The following SYNPO2 variants were observed in gnomAD, a reference collection of about 807,000 sequenced individuals.
SYNPO2 encodes the protein synaptopodin 2, also known as synaptopodin-2.
A neutral mutation model predicts 85.0 loss-of-function variants in SYNPO2; 56 were observed. The ratio of observed to expected loss-of-function variants is 0.66; its 90% CI spans 0.53 to 0.82. The LOEUF is 0.82. Ranked by LOEUF, SYNPO2 falls within the 40% of genes least tolerant of loss-of-function variation. The probability of loss-of-function intolerance (pLI) is 0.00; values close to 1 mark genes in which losing one functional copy is unlikely to be tolerated. For synonymous variants in SYNPO2, 602 were observed against 591.1 expected (o/e 1.02, Z -0.27); for missense variants, 1,575 against 1,534.2 (o/e 1.03, Z -0.44).
intron 1 of SYNPO2, among the ~76,000 whole-genome samples, chr4:118,951,355 C>G (rs1734689773): frequency 6.6e-6 from 1 of 152,190 alleles, no homozygotes; most frequent in African/African-American, 2.4e-5. Flanking sequence ...CTGGTCCCCT[C>G]TAGCCCTTAT....
rs117597131 is a variant in SYNPO2 at position 118,908,733 on chromosome 4, G to A, written c.105+19592G>A. Among the ~76,000 whole-genome samples, 53 of 152,248 alleles carry A rather than the reference G, an allele frequency of 3.5e-4. 1 individual carries two copies. The East Asian group carries it at 9.8e-3, about 28-fold the overall frequency. ...CATGATAAAGCCTTATAGAACAGGA[G>A]TTATAAATGCCGTCATACCACTGCC... On this transcript the variant is annotated intron_variant, in intron 1 of 4. Coordinates refer to ENST00000307142, the MANE Select transcript of SYNPO2 (RefSeq NM_133477.3).
Position 119,031,624 on chromosome 4 carries a change from T to A in SYNPO2, c.2849T>A (p.Met950Lys), listed in dbSNP as rs1738269135. The A allele has an allele frequency of 6.2e-7, 1 of 1,614,026 alleles. No individual in the cohort carries two copies. The highest frequency in any genetic ancestry group is 2.2e-5 in the East Asian group (1 of 44,868). Residue 950 changes from methionine to lysine, a missense_variant, in exon 4 of 5, where the codon ATG becomes AAG. Met to Lys is a moderately conservative substitution (Grantham distance 95, BLOSUM62 -1). This residue lies in a region of SYNPO2 where 1,508 missense variants were observed against 1,446.8 expected (regional missense o/e 1.04). Transcript: ENST00000307142. ...CCATCAGCTGCACAGCCCTCCAAAA[T>A]GGGCAAGAAAAAGGGAAAGAAACCC... ...SQPSAAQPSKMGKKKGKKPLN... is the reference protein window; with the variant it reads ...SQPSAAQPSKKGKKKGKKPLN...
At chr4:118,908,300 T>A (rs1014137006) in intron 1 of SYNPO2, among the ~76,000 whole-genome samples, 13 of 152,208 alleles carry the variant, frequency 8.5e-5, no homozygotes, top group Admixed American at 1.3e-4. Flanking sequence ...TTTCTTATCA[T>A]GTACTTGTTA....
At chr4:119,047,897 T>A (rs540729198) in intron 4 of SYNPO2, among the ~76,000 whole-genome samples, 3 of 152,348 alleles carry the variant, frequency 2.0e-5, no homozygotes, top group African/African-American at 7.2e-5. Flanking sequence ...AAACGGTAAA[T>A]CAACTTTCAG....
intron 1 of SYNPO2, among the ~76,000 whole-genome samples, chr4:119,002,946 A>G (rs1344504921): frequency 6.6e-6 from 1 of 152,138 alleles, no homozygotes; most frequent in African/African-American, 2.4e-5. Context: ...ATTTTCTTGA[A>G]TTATTTGATG....
chr4:119,038,591 A>G, intron 4 of SYNPO2: 1 of 981,004 alleles, frequency 1.0e-6, no homozygotes, highest in Non-Finnish European at 1.2e-6. Flanking sequence ...TAAGTAGTGA[A>G]TCAGCACCTA....
At chr4:118,899,476 T>TC (rs1732649637) in intron 1 of SYNPO2, among the ~76,000 whole-genome samples, 1 of 152,160 alleles carries the variant, frequency 6.6e-6, no homozygotes, top group Admixed American at 6.5e-5. Context: ...CCCCATGGGG[T>TC]ACAATGATTC....
Position 119,033,947 on chromosome 4 carries a change from T to A in SYNPO2, c.3252+1920T>A, listed in dbSNP as rs918157334. The A allele has an allele frequency of 6.1e-6, 6 of 985,354 alleles. No individual in the cohort carries two copies. The African/African-American group carries it at 1.0e-4, about 17-fold the overall frequency. 61.0% of individuals were successfully genotyped at this position (985,354 alleles called of 1,614,324 possible). ...TGCAGAACAATGGGGCTGATTCTTC[T>A]GCTTTTTCTCTGGAAAATCTTTCAT... is the stretch of plus-strand genomic sequence containing the variant. On this transcript the variant is annotated intron_variant, in intron 4 of 4. Coordinates refer to ENST00000307142, the MANE Select transcript of SYNPO2 (RefSeq NM_133477.3).
rs1267884538 is a variant in SYNPO2, at chr4:119,057,491, T to C, written c.3343T>C (p.Ser1115Pro). Residue 1115 changes from serine (S) to proline (P), a missense_variant, in exon 5 of 5, where the codon TCT becomes CCT. By Grantham distance (74) the Ser-to-Pro change is moderately conservative. Transcript: ENST00000307142. ...PWVYQPTYSY[S>P]SKPTDGLEKA... Reference sequence around the variant, plus strand: ...GGTATACCAGCCTACTTATAGTTACTCTAGTAAACCAACCGATGGACTAGA... The same window carrying C: ...GGTATACCAGCCTACTTATAGTTACCCTAGTAAACCAACCGATGGACTAGA... 1 of 1,613,944 alleles carries C rather than the reference T, an allele frequency of 6.2e-7. No individual in the cohort carries two copies. The highest frequency in any genetic ancestry group is 1.3e-5 in the African/African-American group (1 of 74,872).
chr4:118,860,373 A>T (rs961430175), intron 1 of SYNPO2, among the ~76,000 whole-genome samples: 24 of 151,682 alleles, frequency 1.6e-4, no homozygotes, highest in African/African-American at 5.8e-4. Context: ...CCTCCTGAAT[A>T]GCTGGGACTA....
At chr4:118,910,897 A>G (rs988554612) in intron 1 of SYNPO2, among the ~76,000 whole-genome samples, 19 of 152,326 alleles carry the variant, frequency 1.2e-4, no homozygotes, top group East Asian at 1.9e-4. Flanking sequence ...CCAACAAAAC[A>G]TGAGTACTTT....
chr4:118,881,297 G>A (rs1316772118), intron 1 of SYNPO2, among the ~76,000 whole-genome samples: 37 of 125,626 alleles, frequency 2.9e-4, no homozygotes, highest in African/African-American at 9.0e-4. Flanking sequence ...GCAAAACTCC[G>A]TCTCAAAAAA....
intron 1 of SYNPO2, among the ~76,000 whole-genome samples, chr4:118,875,269 T>C (rs115258154): frequency 2.6e-5 from 4 of 152,336 alleles, no homozygotes; most frequent in African/African-American, 9.6e-5. Flanking sequence ...TGATGGGCAT[T>C]TAGATTGGAA....
chr4:119,017,948 C>T (rs994980698), intron 1 of SYNPO2, among the ~76,000 whole-genome samples: 18 of 151,870 alleles, frequency 1.2e-4, no homozygotes, highest in African/African-American at 4.4e-4. Context: ...TCTTGGAAGA[C>T]CTGGAAATGA....
At chr4:119,038,297 A>C (rs1738595552) in intron 4 of SYNPO2, 2 of 985,280 alleles carry the variant, frequency 2.0e-6, no homozygotes, top group South Asian at 9.4e-5. Flanking sequence ...AAGATGGCTC[A>C]GAAAATCAGA....
At chr4:118,906,965 A>G (rs1027039418) in intron 1 of SYNPO2, among the ~76,000 whole-genome samples, 12 of 149,676 alleles carry the variant, frequency 8.0e-5, no homozygotes, top group Admixed American at 8.0e-4. Context: ...GTGCCACCAC[A>G]CCCAGCTAAT....
intron 4 of SYNPO2, among the ~76,000 whole-genome samples, chr4:119,051,406 T>C (rs1739044016): frequency 6.6e-6 from 1 of 151,334 alleles, no homozygotes; most frequent in Non-Finnish European, 1.5e-5. Flanking sequence ...TTAGCCGGGA[T>C]GGTCTCGATC....
intron 4 of SYNPO2, chr4:119,036,766 G>A (rs1044575481): frequency 3.0e-6 from 3 of 995,028 alleles, no homozygotes; most frequent in Non-Finnish European, 3.6e-6. Context: ...TGTTTCTGTG[G>A]TATGTATATT....
At position 119,031,234 on chromosome 4, in the gene SYNPO2, G is replaced by A. The variant is rs867828048; in HGVS notation, c.2459G>A (p.Ser820Asn). ...TCTTACCCTCCTGCCCGGCCTGCAA[G>A]TACTTTGAACGTGGCTGGTCCCTTC... is the stretch of plus-strand genomic sequence containing the variant. ...QPSYPPARPA[S>N]TLNVAGPFKG... is the part of the protein sequence containing the mutation. Residue 820 changes from serine (S) to asparagine (N), a missense_variant, in exon 4 of 5, where the codon AGT becomes AAT. Physicochemically the swap from Ser to Asn is conservative, Grantham distance 46. This residue lies in a region of SYNPO2 where 1,508 missense variants were observed against 1,446.8 expected (regional missense o/e 1.04). Coordinates refer to ENST00000307142, the MANE Select transcript of SYNPO2 (RefSeq NM_133477.3). The A allele has an allele frequency of 3.7e-6, 6 of 1,614,140 alleles. No individual in the cohort carries two copies. The Admixed American group carries it at 6.7e-5, about 18-fold the overall frequency.
Sources: allele counts gnomAD v4.1 joint callset (sites outside exome capture counted in the v4.1 genomes callset), GRCh38; gene constraint gnomAD v4.1.1; regional missense constraint gnomAD v4.1.1; transcripts MANE v1.5; gene names NCBI Gene and HGNC (gene_info 2026-07-23, HGNC 2026-07-21).